Variants in TMEM182 observed in about 807,000 individuals in gnomAD.
TMEM182 encodes transmembrane protein 182.
Under a neutral mutation model 26.8 loss-of-function variants are expected in TMEM182, and 20 were observed. The observed-to-expected ratio is 0.75, with a 90% CI of 0.53 to 1.09. The LOEUF (loss-of-function observed/expected upper bound fraction) is 1.09, where lower values mean the gene tolerates loss of function less well. Ranked by LOEUF, TMEM182 falls within the 50% of genes least tolerant of loss-of-function variation. TMEM182 has a pLI of 0.00. For missense variants in TMEM182, 277 were observed against 275.5 expected, an observed-to-expected ratio of 1.01 and a Z score of -0.04; for synonymous variants, 109 against 102.2, an observed-to-expected ratio of 1.07 and a Z score of -0.40.
chr2:102,755,759 A>T (rs1008648047), intron 1 of TMEM182, among the ~76,000 whole-genome samples: 1 of 152,184 alleles, frequency 6.6e-6, no homozygotes, highest in African/African-American at 2.4e-5. Context: ...CGTTAAGAAT[A>T]AGGGGGCAAA....
intron 1 of TMEM182, among the ~76,000 whole-genome samples, chr2:102,742,556 C>A (rs1185463936): frequency 2.0e-5 from 3 of 152,094 alleles, no homozygotes; most frequent in Non-Finnish European, 4.4e-5. Context: ...AGACACCAAA[C>A]CACATGTATA....
intron 4 of TMEM182, among the ~76,000 whole-genome samples, chr2:102,807,215 G>A (rs1052006227): frequency 6.6e-6 from 1 of 152,166 alleles, no homozygotes; most frequent in African/African-American, 2.4e-5. Flanking sequence ...GAAAATGAAA[G>A]GGAAGAGGGA....
chr2:102,799,476 A>G (rs1307404996), intron 4 of TMEM182, among the ~76,000 whole-genome samples: 1 of 152,228 alleles, frequency 6.6e-6, no homozygotes, highest in Non-Finnish European at 1.5e-5. Flanking sequence ...TTTCATGTGT[A>G]TACCTGGGAG....
chr2:102,824,146 G>A (rs150625455), intron 3 of TMEM182, among the ~76,000 whole-genome samples: 60 of 152,302 alleles, frequency 3.9e-4, no homozygotes, highest in African/African-American at 1.4e-3. Context: ...TGACGTGGGA[G>A]AAGAGTTGTT....
At chr2:102,821,719 A>G (rs1351513425), downstream of TMEM182, among the ~76,000 whole-genome samples, 1 of 152,144 alleles carries the variant, frequency 6.6e-6, no homozygotes, top group African/African-American at 2.4e-5. Flanking sequence ...TTCTCAGGAA[A>G]ACATCCCATG....
At chr2:102,758,536 G>A (rs574119279), upstream of TMEM182, 71 of 715,506 alleles carry the variant, frequency 9.9e-5, no homozygotes, top group South Asian at 1.0e-3. Context: ...AAGATGGTTT[G>A]AAAACATCTG....
chr2:102,740,078 G>A (rs143079745), intron 1 of TMEM182, among the ~76,000 whole-genome samples: 130 of 152,198 alleles, frequency 8.5e-4, no homozygotes, highest in Non-Finnish European at 1.6e-3. Context: ...GAAATATAAC[G>A]TGATTGTGAA....
At chr2:102,819,836 G>A (rs1682874632), downstream of TMEM182, among the ~76,000 whole-genome samples, 1 of 152,148 alleles carries the variant, frequency 6.6e-6, no homozygotes, top group Non-Finnish European at 1.5e-5. Context: ...GCACTGGTGA[G>A]TGAGGATTGG....
intron 3 of TMEM182, among the ~76,000 whole-genome samples, chr2:102,776,621 A>G (rs1680926162): frequency 6.6e-6 from 1 of 152,176 alleles, no homozygotes. Flanking sequence ...CTCTATAAAC[A>G]TTTGTGTGCA....
chr2:102,777,356 C>G (rs111535658), intron 3 of TMEM182, among the ~76,000 whole-genome samples: 2 of 152,092 alleles, frequency 1.3e-5, no homozygotes, highest in African/African-American at 4.8e-5. Flanking sequence ...CATTATTTTG[C>G]GTATGGATTT....
At chr2:102,800,235 C>T (rs954681461) in intron 4 of TMEM182, among the ~76,000 whole-genome samples, 2 of 152,334 alleles carry the variant, frequency 1.3e-5, no homozygotes, top group Non-Finnish European at 2.9e-5. Context: ...AGAATCACCA[C>T]TATCTGACTT....
At chr2:102,761,188 C>T (rs1680201920), upstream of TMEM182, among the ~76,000 whole-genome samples, 1 of 152,030 alleles carries the variant, frequency 6.6e-6, no homozygotes, top group African/African-American at 2.4e-5. Flanking sequence ...GACAGAAAAA[C>T]AAAACAAACA....
chr2:102,789,860 G>A (rs1259207759), intron 3 of TMEM182, among the ~76,000 whole-genome samples: 4 of 152,042 alleles, frequency 2.6e-5, no homozygotes, highest in East Asian at 1.9e-4. Context: ...GGTGGCAGCC[G>A]CAGGGAGCAG....
intron 3 of TMEM182, among the ~76,000 whole-genome samples, chr2:102,836,665 C>T (rs1218979736): frequency 6.6e-6 from 1 of 152,118 alleles, no homozygotes; most frequent in Admixed American, 6.5e-5. Flanking sequence ...GTTCTCAGTG[C>T]TGGTTTGCTT....
At chr2:102,785,414 C>T (rs1004951357) in intron 3 of TMEM182, among the ~76,000 whole-genome samples, 64 of 152,190 alleles carry the variant, frequency 4.2e-4, no homozygotes, top group African/African-American at 1.4e-3. Flanking sequence ...TTGGCATAGA[C>T]GATAGCCATC....
Position 102,827,709 on chromosome 2 carries a change from G to A in TMEM182, c.326-15703G>A, listed in dbSNP as rs541967405. ...TGTTAGGAAAGCAGTTGTTAACCTC[G>A]CCTTCATTACCCTACACCAGACTGG... On this transcript the variant is annotated intron_variant, in intron 3 of 3. Coordinates refer to the TMEM182 transcript ENST00000486293. Among the ~76,000 whole-genome samples the A allele has an allele frequency of 3.9e-5, 6 of 152,234 alleles. No individual in the cohort carries two copies. In the East Asian group the frequency reaches 1.2e-3, roughly 29 times the overall value.
At chr2:102,805,766 C>A (rs762883257) in intron 4 of TMEM182, among the ~76,000 whole-genome samples, 2 of 151,976 alleles carry the variant, frequency 1.3e-5, no homozygotes, top group African/African-American at 2.4e-5. Flanking sequence ...TTCTCTGAAC[C>A]GAGTGTGGTG....
chr2:102,836,020 T>C, intron 3 of TMEM182, among the ~76,000 whole-genome samples: 1 of 152,210 alleles, frequency 6.6e-6, no homozygotes, highest in East Asian at 1.9e-4. Context: ...TTGGGTTATT[T>C]CACTTGGTAA....
At chr2:102,781,819 C>G (rs2104697757) in intron 3 of TMEM182, among the ~76,000 whole-genome samples, 1 of 152,240 alleles carries the variant, frequency 6.6e-6, no homozygotes, top group East Asian at 1.9e-4. Context: ...TTTTACTTAT[C>G]AAGCTCACCA....
Sources: gnomAD v4.1 joint callset for allele counts (sites outside exome capture counted in the v4.1 genomes callset) on GRCh38, gnomAD v4.1.1 for gene constraint, MANE v1.5 for transcripts, NCBI Gene and HGNC (gene_info 2026-07-23, HGNC 2026-07-21) for gene names.